DNAH14: variants seen among roughly 807,000 people sequenced by gnomAD.
DNAH14 encodes dynein axonemal heavy chain 14.
DNAH14 carries 478 observed loss-of-function variants against 520.9 expected under a neutral mutation model. The observed-to-expected ratio is 0.92, with a 90% CI of 0.85 to 0.99. The LOEUF is 0.99. Ranked by LOEUF, DNAH14 falls within the 50% of genes least tolerant of loss-of-function variation. DNAH14 has a pLI of 0.00. For synonymous variants in DNAH14, 1,581 were observed against 1,757.2 expected (o/e 0.90, Z 2.51); for missense variants, 4,831 against 5,234.5 (o/e 0.92, Z 2.38).
chr1:225,359,259 A>C (rs1174015988), intron 74 of DNAH14, among the ~76,000 whole-genome samples: 1 of 152,214 alleles, frequency 6.6e-6, no homozygotes, highest in Admixed American at 6.5e-5. Flanking sequence ...AAAATTTATC[A>C]ATGGTGATTT....
chr1:225,296,741 G>A (rs2094017700), intron 55 of DNAH14, among the ~76,000 whole-genome samples: 1 of 152,068 alleles, frequency 6.6e-6, no homozygotes, highest in Non-Finnish European at 1.5e-5. Context: ...CATTTCTGAA[G>A]GATAGCTTTG....
chr1:225,170,936 A>C (rs955771663), intron 36 of DNAH14, among the ~76,000 whole-genome samples: 6 of 152,234 alleles, frequency 3.9e-5, no homozygotes, highest in African/African-American at 7.2e-5. Flanking sequence ...ACCACAGTGC[A>C]ATCAAACTAG....
chr1:224,942,777 T>G (rs1353070413), intron 1 of DNAH14, among the ~76,000 whole-genome samples: 1 of 152,214 alleles, frequency 6.6e-6, no homozygotes, highest in Non-Finnish European at 1.5e-5. Flanking sequence ...GGTTTTTGTC[T>G]TTGGTTCTGT....
chr1:225,004,043 C>A (rs998150623), intron 9 of DNAH14, among the ~76,000 whole-genome samples: 10 of 152,010 alleles, frequency 6.6e-5, no homozygotes, highest in African/African-American at 2.4e-4. Context: ...TTCCTAGAGA[C>A]CTCAGGCCAT....
intron 17 of DNAH14, among the ~76,000 whole-genome samples, chr1:225,078,892 CT>C (rs2072754420): frequency 4.4e-5 from 6 of 135,578 alleles, no homozygotes; most frequent in African/African-American, 1.7e-4. Flanking sequence ...CTCTCTCTCT[CT>C]CTCTCCCCGC....
At chr1:225,216,540 C>G (rs990094679) in intron 41 of DNAH14, among the ~76,000 whole-genome samples, 1 of 152,158 alleles carries the variant, frequency 6.6e-6, no homozygotes, top group African/African-American at 2.4e-5. Flanking sequence ...ACCAATCAGA[C>G]GTAGATTTGG....
chr1:225,080,879 C>T, intron 19 of DNAH14, 131 bp downstream of exon 19: 1 of 932,802 alleles, frequency 1.1e-6, no homozygotes, highest in Non-Finnish European at 1.5e-6. Context: ...AGCTACAATA[C>T]AGGAGTATAG....
chr1:225,377,187 C>T (rs141621899), intron 78 of DNAH14, 50 bp from the exon 79 acceptor site: 1 of 1,346,990 alleles, frequency 7.4e-7, no homozygotes, highest in South Asian at 2.0e-5. Context: ...ACAAAGTGTT[C>T]AGAAGTAGCA....
Position 225,184,082 on chromosome 1 carries a change from T to C in DNAH14, c.5536-1209T>C, listed in dbSNP as rs184452244. Among the ~76,000 whole-genome samples, 837 of 152,266 alleles carry C rather than the reference T, an allele frequency of 5.5e-3. 6 individuals are homozygous for C. Among genetic ancestry groups the C allele is most frequent in the Non-Finnish European group, 7.4e-3 (504 of 68,020 alleles). ...TCCCAAACTCATTATATAAAATCAGTATTATCCTAATATCAAAATCAGGCC... is the reference window on the plus strand; with the variant it reads ...TCCCAAACTCATTATATAAAATCAGCATTATCCTAATATCAAAATCAGGCC... On this transcript the variant is annotated intron_variant, in intron 36 of 85. Coordinates refer to ENST00000682510, the MANE Select transcript of DNAH14 (RefSeq NM_001367479.1).
In DNAH14 at chr1:225,041,051, G is replaced by T. The variant is rs74745375; in HGVS notation, c.1489-1784G>T. Among the ~76,000 whole-genome samples the T allele has an allele frequency of 2.0e-5, 3 of 152,306 alleles. No individual in the cohort carries two copies. The East Asian group carries it at 5.8e-4, about 29-fold the overall frequency. Reference sequence around the variant, plus strand: ...ATTTCATATATGTATATATACATGTGTGGGTTCAATGCAGGCTGACAGAGT... The same window carrying T: ...ATTTCATATATGTATATATACATGTTTGGGTTCAATGCAGGCTGACAGAGT... On this transcript the variant is annotated intron_variant, in intron 12 of 85. Transcript: ENST00000682510.
At chr1:225,323,455 GTTGTT>G (rs201142547) in intron 62 of DNAH14, among the ~76,000 whole-genome samples, 24 of 130,494 alleles carry the variant, frequency 1.8e-4, no homozygotes, top group African/African-American at 6.0e-4. Context: ...AGGTTTTGTT[GTTGTT>G]TTGTTTTGTT....
intron 7 of DNAH14, among the ~76,000 whole-genome samples, chr1:224,973,654 A>C (rs1232443321): frequency 3.3e-5 from 5 of 152,320 alleles, no homozygotes; most frequent in Non-Finnish European, 7.4e-5. Flanking sequence ...GTATTATATA[A>C]TATCAAAATG....
chr1:225,186,552 A>C, intron 37 of DNAH14, among the ~76,000 whole-genome samples: 1 of 151,986 alleles, frequency 6.6e-6, no homozygotes, highest in Middle Eastern at 3.4e-3. Context: ...GAAATTTGGA[A>C]AATAAAATGT....
At position 225,005,818 on chromosome 1, in the gene DNAH14, G is replaced by T. The variant is rs149577040; in HGVS notation, c.976-1595G>T. Among the ~76,000 whole-genome samples the T allele has an allele frequency of 1.4e-3, 210 of 152,184 alleles. 2 individuals carry two copies. Among genetic ancestry groups the T allele is most frequent in the Non-Finnish European group, 1.7e-3 (118 of 68,010 alleles). ...GAAGGAAGAATGATGTAATATACAC[G>T]CATGTATGGAACATTATGATTTTGT... On this transcript the variant is annotated intron_variant, in intron 9 of 85. Coordinates refer to ENST00000682510, the MANE Select transcript of DNAH14 (RefSeq NM_001367479.1).
At chr1:224,958,502 GACATA>G (rs1402007052) in intron 3 of DNAH14, among the ~76,000 whole-genome samples, 1 of 152,094 alleles carries the variant, frequency 6.6e-6, no homozygotes, top group Non-Finnish European at 1.5e-5. Context: ...GCTGTGGAAA[GACATA>G]ATCTAAGCTG....
intron 79 of DNAH14, among the ~76,000 whole-genome samples, chr1:225,378,843 G>C (rs1224208765): frequency 1.4e-5 from 2 of 146,014 alleles, no homozygotes; most frequent in Non-Finnish European, 3.0e-5. Context: ...TAGCAACACT[G>C]CACTCCAGCT....
At chr1:225,203,733 A>G (rs560977323) in intron 38 of DNAH14, among the ~76,000 whole-genome samples, 12 of 152,350 alleles carry the variant, frequency 7.9e-5, no homozygotes, top group African/African-American at 2.6e-4. Flanking sequence ...AACCTATTCA[A>G]TTAGAATCTC....
Position 225,289,913 on chromosome 1 carries a change from C to T in DNAH14, c.8300C>T (p.Thr2767Ile). The change falls in exon 55 of 86, where the codon ACA becomes ATA. Residue 2767 changes from threonine (T) to isoleucine (I), a missense_variant. Transcript: ENST00000682510. ...GGAATAGATGGATGTGGGAAAAAAA[C>T]ATGTGCAACCTTGGCCTGTTATTTG... Reference protein sequence around the residue: ...LIGIDGCGKKTCATLACYLTD... With the variant: ...LIGIDGCGKKICATLACYLTD... The T allele has an allele frequency of 1.4e-6, 2 of 1,447,852 alleles. No individual in the cohort carries two copies. Among genetic ancestry groups the T allele is most frequent in the Non-Finnish European group, 9.2e-7 (1 of 1,091,848 alleles). The allele number at this position is 1,447,852 out of a possible 1,614,324, so 89.7% of individuals were successfully genotyped here.
At chr1:225,063,404 TA>T (rs2070434399) in intron 17 of DNAH14, among the ~76,000 whole-genome samples, 1 of 152,194 alleles carries the variant, frequency 6.6e-6, no homozygotes, top group Admixed American at 6.5e-5. Flanking sequence ...TTTATTGTTA[TA>T]ATTTTTTTGT....
Sources: allele counts gnomAD v4.1 joint callset (sites outside exome capture counted in the v4.1 genomes callset), GRCh38; gene constraint gnomAD v4.1.1; transcripts MANE v1.5; gene names NCBI Gene and HGNC (gene_info 2026-07-23, HGNC 2026-07-21).